Variants in GPD2 observed in about 807,000 individuals in gnomAD.
GPD2 encodes the protein glycerol-3-phosphate dehydrogenase 2, also known as glycerol-3-phosphate dehydrogenase, mitochondrial.
In GPD2, 54 loss-of-function variants were observed where a neutral mutation model predicts 82.4. That is an observed-to-expected ratio of 0.66 (90% CI 0.53 to 0.82). GPD2 has a LOEUF of 0.82. Among genes scored for constraint, GPD2 ranks in the 40% least tolerant of loss-of-function variants. The pLI, the probability that GPD2 is intolerant of heterozygous loss-of-function variation, is 0.00. For missense variants in GPD2, 748 were observed against 896.2 expected (o/e 0.83, Z 2.11); for synonymous variants, 288 against 306.1 (o/e 0.94, Z 0.62).
chr2:156,414,325 G>A, the GPD2 span, among the ~76,000 whole-genome samples: 5 of 152,154 alleles, frequency 3.3e-5, no homozygotes, highest in Non-Finnish European at 7.4e-5. Context: ...ATCAACCTAT[G>A]TTTCTCCATT....
intron 4 of GPD2, among the ~76,000 whole-genome samples, chr2:156,511,267 G>C (rs1370019169): frequency 6.6e-6 from 1 of 152,212 alleles, no homozygotes; most frequent in Non-Finnish European, 1.5e-5. Context: ...TTGTAATGCA[G>C]GGGGAGTGCG....
At chr2:156,415,371 G>A in the GPD2 span, among the ~76,000 whole-genome samples, 12 of 151,714 alleles carry the variant, frequency 7.9e-5, no homozygotes, top group African/African-American at 2.9e-4. Context: ...TGTTGGCCAG[G>A]ATGGTCTCGA....
At chr2:156,504,119 A>G (rs552521280) in intron 3 of GPD2, among the ~76,000 whole-genome samples, 1 of 76,584 alleles carries the variant, frequency 1.3e-5, no homozygotes, top group East Asian at 5.5e-4. Context: ...ATATAAACAT[A>G]GAAATAAATA....
chr2:156,463,181 G>A (rs562016633), intron 1 of GPD2, among the ~76,000 whole-genome samples: 1 of 152,280 alleles, frequency 6.6e-6, no homozygotes, highest in South Asian at 2.1e-4. Context: ...ATGGATGGCT[G>A]TAAGTCGTCA....
rs148333271 is a variant in GPD2, at chr2:156,537,127, G to T, written c.662-12481G>T. On this transcript the variant is annotated intron_variant, in intron 6 of 16. Transcript: ENST00000438166. The stretch of plus-strand genomic sequence containing the variant: ...GAGACTGCACACCTGTGAGCACAGG[G>T]ATTCCTTTGTGTAGGGGTTCCTTAA... 7.0e-4 allele frequency among the ~76,000 whole-genome samples: 106 copies of T among 152,328 alleles called. 1 individual carries two copies. Among genetic ancestry groups the T allele is most frequent in the African/African-American group, 2.5e-3 (102 of 41,582 alleles).
intron 6 of GPD2, among the ~76,000 whole-genome samples, chr2:156,529,896 G>A (rs1685778429): frequency 6.6e-6 from 1 of 152,008 alleles, no homozygotes; most frequent in Admixed American, 6.5e-5. Context: ...TTGTTCTTTT[G>A]GCTTAGGATT....
chr2:156,575,952 C>T (rs961562978), intron 13 of GPD2, among the ~76,000 whole-genome samples: 2 of 151,902 alleles, frequency 1.3e-5, no homozygotes, highest in Admixed American at 6.6e-5. Flanking sequence ...TTTGATGTAC[C>T]AATAACAAGA....
rs377533096 is a variant in GPD2 at position 156,553,784 on chromosome 2, G to A, written c.971+3038G>A. Among the ~76,000 whole-genome samples, 68 of 152,232 alleles carry A rather than the reference G, an allele frequency of 4.5e-4. 1 individual carries two copies. In the South Asian group the frequency reaches 0.014, roughly 31 times the overall value. ...CACTTAGTAACAGAGTAGATTTGGTGTCTTTTAAGAATAAAGGTATATATT... is the reference window on the plus strand; with the variant it reads ...CACTTAGTAACAGAGTAGATTTGGTATCTTTTAAGAATAAAGGTATATATT... On this transcript the variant is annotated intron_variant, in intron 8 of 16. Transcript: ENST00000438166.
At chr2:156,453,862 G>A (rs564198885) in intron 1 of GPD2, among the ~76,000 whole-genome samples, 2 of 152,282 alleles carry the variant, frequency 1.3e-5, no homozygotes, top group Admixed American at 6.5e-5. Flanking sequence ...GGGTGACAGA[G>A]TGAGACTCTG....
intron 1 of GPD2, among the ~76,000 whole-genome samples, chr2:156,445,333 G>A (rs923625809): frequency 7.2e-5 from 11 of 152,158 alleles, no homozygotes; most frequent in African/African-American, 2.4e-4. Flanking sequence ...CAATAGAATC[G>A]AGAGATAATC....
chr2:156,443,324 A>G (rs1682242498), intron 1 of GPD2, among the ~76,000 whole-genome samples: 1 of 152,188 alleles, frequency 6.6e-6, no homozygotes, highest in Non-Finnish European at 1.5e-5. Context: ...ATCATGCTGG[A>G]TCTTACACAA....
chr2:156,401,307 CAG>C, the GPD2 span, among the ~76,000 whole-genome samples: 9 of 152,132 alleles, frequency 5.9e-5, no homozygotes, highest in East Asian at 1.9e-4. Context: ...TATTCAAAAA[CAG>C]AGAAAGCAAT....
chr2:156,576,460 C>T (rs949971493), intron 13 of GPD2, among the ~76,000 whole-genome samples: 3 of 43,868 alleles, frequency 6.8e-5, no homozygotes, highest in Non-Finnish European at 1.4e-4. Flanking sequence ...ACTTATTAAG[C>T]TGTGATAAAA....
At chr2:156,415,304 G>A in the GPD2 span, among the ~76,000 whole-genome samples, 2 of 151,276 alleles carry the variant, frequency 1.3e-5, no homozygotes, top group African/African-American at 4.9e-5. Flanking sequence ...TATTACACGC[G>A]CCCGCCACCA....
At chr2:156,472,811 G>A (rs1461541366) in intron 1 of GPD2, among the ~76,000 whole-genome samples, 1 of 152,150 alleles carries the variant, frequency 6.6e-6, no homozygotes, top group South Asian at 2.1e-4. Context: ...TGCCTTTTGA[G>A]ACCAAAGGCA....
At chr2:156,439,540 C>CAAAAAAA (rs869250333) in intron 1 of GPD2, among the ~76,000 whole-genome samples, 1 of 71,284 alleles carries the variant, frequency 1.4e-5, no homozygotes, top group Non-Finnish European at 2.7e-5. Flanking sequence ...AAAAAAAAAA[C>CAAAAAAA]AAAAAAAAAA....
intron 12 of GPD2, 86 bp downstream of exon 12, chr2:156,570,304 G>A (rs561811764): frequency 7.8e-7 from 1 of 1,287,710 alleles, no homozygotes; most frequent in Non-Finnish European, 1.1e-6. Flanking sequence ...ATTATATGTA[G>A]CTAAGTTTTA....
At chr2:156,421,295 A>G in the GPD2 span, among the ~76,000 whole-genome samples, 1 of 152,160 alleles carries the variant, frequency 6.6e-6, no homozygotes, top group Non-Finnish European at 1.5e-5. Context: ...CTGTGTACGT[A>G]CCCTTTACTC....
At chr2:156,409,713 C>G in the GPD2 span, among the ~76,000 whole-genome samples, 6 of 151,986 alleles carry the variant, frequency 3.9e-5, no homozygotes, top group African/African-American at 1.2e-4. Flanking sequence ...AAAACAAAAA[C>G]AAAAAAACCT....
Sources: allele counts gnomAD v4.1 joint callset (sites outside exome capture counted in the v4.1 genomes callset), GRCh38; gene constraint gnomAD v4.1.1; transcripts MANE v1.5; gene names NCBI Gene and HGNC (gene_info 2026-07-23, HGNC 2026-07-21).